SNX8: variants seen among roughly 807,000 people sequenced by gnomAD.
SNX8 encodes the protein sorting nexin-8.
Under a neutral mutation model 51.6 loss-of-function variants are expected in SNX8, and 25 were observed. That is an observed-to-expected ratio of 0.48 (90% confidence interval 0.35 to 0.68). SNX8 has a LOEUF of 0.68. SNX8 is among the 30% of genes least tolerant of loss of function. The probability of loss-of-function intolerance (pLI) is 0.00; values close to 1 mark genes in which losing one functional copy is unlikely to be tolerated. For missense variants in SNX8, 695 were observed against 624.0 expected, an observed-to-expected ratio of 1.11 and a Z score of -1.21; for synonymous variants, 324 against 277.0, an observed-to-expected ratio of 1.17 and a Z score of -1.68.
chr7:2,331,568 G>A (rs2115235881), intron 1 of SNX8, among the ~76,000 whole-genome samples: 1 of 152,112 alleles, frequency 6.6e-6, no homozygotes, highest in East Asian at 1.9e-4. Context: ...AGCCGGGCGT[G>A]GTGGCAGGCG....
In SNX8 at chr7:2,310,203, G is replaced by A. The variant is rs538828016; in HGVS notation, c.94+4125C>T. Among the ~76,000 whole-genome samples the A allele has an allele frequency of 9.2e-5, 14 of 152,100 alleles. No individual in the cohort carries two copies. The South Asian group carries it at 1.0e-3, about 11-fold the overall frequency. On this transcript the variant is annotated intron_variant, in intron 1 of 10. Coordinates refer to ENST00000222990, the MANE Select transcript of SNX8 (RefSeq NM_013321.4). ...AAGCACACTTACCACACTCACTGCCGTTCTCGCTGGATGTCACAATCATTG... is the reference window on the plus strand; with the variant it reads ...AAGCACACTTACCACACTCACTGCCATTCTCGCTGGATGTCACAATCATTG...
chr7:2,327,838 TG>T (rs1778654318), intron 1 of SNX8, among the ~76,000 whole-genome samples: 7 of 151,946 alleles, frequency 4.6e-5, no homozygotes, highest in Admixed American at 4.6e-4. Context: ...CCACCGCGCC[TG>T]GCCAGCATTT....
At chr7:2,345,549 G>T (rs1041425333) in intron 1 of SNX8, among the ~76,000 whole-genome samples, 1 of 151,654 alleles carries the variant, frequency 6.6e-6, no homozygotes, top group African/African-American at 2.4e-5. Context: ...CTGCTGGCAG[G>T]CACCTGTAAT....
rs141394416 is a variant in SNX8, at chr7:2,281,543, C to T, written c.95-3238G>A. Among the ~76,000 whole-genome samples the T allele has an allele frequency of 6.6e-5, 10 of 152,204 alleles. No individual in the cohort carries two copies. The East Asian group carries it at 1.4e-3, about 21-fold the overall frequency. On this transcript the variant is annotated intron_variant, in intron 1 of 10. Coordinates refer to ENST00000222990, the MANE Select transcript of SNX8 (RefSeq NM_013321.4). The stretch of plus-strand genomic sequence containing the variant: ...GAGCCCGGCTTTCTGCAGGAATAAA[C>T]GTTATGCTCACTAATGGAACTTCAA...
At chr7:2,344,671 C>T (rs1778989221) in intron 1 of SNX8, among the ~76,000 whole-genome samples, 1 of 151,824 alleles carries the variant, frequency 6.6e-6, no homozygotes, top group Non-Finnish European at 1.5e-5. Flanking sequence ...GTAATCCCAG[C>T]ACTTTGGGAC....
At chr7:2,341,171 A>G (rs1354244596) in intron 1 of SNX8, among the ~76,000 whole-genome samples, 2 of 151,778 alleles carry the variant, frequency 1.3e-5, no homozygotes, top group African/African-American at 4.8e-5. Flanking sequence ...TCTCTTAAAA[A>G]AAAAAAAAGA....
chr7:2,342,166 G>A (rs1778941072), intron 1 of SNX8, among the ~76,000 whole-genome samples: 1 of 150,988 alleles, frequency 6.6e-6, no homozygotes, highest in Admixed American at 6.6e-5. Flanking sequence ...GCAATAAGAG[G>A]GAAACGCTGT....
In SNX8 at chr7:2,314,374, C is replaced by G. The variant is rs962291099; in HGVS notation, c.48G>C (p.Ala16=). 2.5e-6 allele frequency: 3 copies of G among 1,223,110 alleles called. No individual in the cohort carries two copies. The highest frequency in any genetic ancestry group is 3.1e-5 in the African/African-American group (2 of 63,934). The allele number at this position is 1,223,110 out of a possible 1,614,324, so 75.8% of individuals were successfully genotyped here. Residue 16 remains alanine (A), a synonymous_variant, in exon 1 of 11, where the codon GCG becomes GCC. Coordinates refer to ENST00000222990, the MANE Select transcript of SNX8 (RefSeq NM_013321.4). ...MDPLPAAAVG[A]AAEAEADEEA... ...CCTCGTCAGCCTCCGCCTCAGCTGC[C>G]GCCCCGACTGCAGCCGCGGGCAGCG...
rs545399665 is a variant in SNX8, at chr7:2,280,304, G to GA, written c.95-2000dup. Among the ~76,000 whole-genome samples, 3 of 151,774 alleles carry GA rather than the reference G, an allele frequency of 2.0e-5. No individual in the cohort carries two copies. In the South Asian group the frequency reaches 6.2e-4, roughly 32 times the overall value. ...TTTAATACAAAGTGAGTTCTAAATA[G>GA]AAAAAAAAGTGTTTCTCATTTTTTT... On this transcript the variant is annotated intron_variant, in intron 1 of 10. Coordinates refer to ENST00000222990, the MANE Select transcript of SNX8 (RefSeq NM_013321.4).
At chr7:2,268,065 GGGGGGGTCAGCCCCACCACCTGGCCA>G (rs1795523209) in intron 5 of SNX8, among the ~76,000 whole-genome samples, 1 of 126,444 alleles carries the variant, frequency 7.9e-6, no homozygotes, top group African/African-American at 3.1e-5. Flanking sequence ...GGAGGGAGAT[GGGGGGGTCAGCCCCACCACCTGGCCA>G]GCCGCCCCGT....
At chr7:2,316,544 T>C (rs147775606), upstream of SNX8, among the ~76,000 whole-genome samples, 1,241 of 148,072 alleles carry the variant, frequency 8.4e-3, 80 homozygotes, top group East Asian at 0.14. Flanking sequence ...CCTGCATTCA[T>C]TCACACAACC....
At chr7:2,314,834 A>C (rs1170940417), upstream of SNX8, among the ~76,000 whole-genome samples, 1 of 151,700 alleles carries the variant, frequency 6.6e-6, no homozygotes, top group Non-Finnish European at 1.5e-5. Flanking sequence ...TCATTCATCC[A>C]CTCACCCACT....
chr7:2,322,810 A>G (rs1453618980), intron 1 of SNX8, among the ~76,000 whole-genome samples: 1 of 151,700 alleles, frequency 6.6e-6, no homozygotes, highest in East Asian at 1.9e-4. Flanking sequence ...TGTGGCCAGG[A>G]GTTCAAGACC....
At chr7:2,270,314 CAAAA>C (rs57983721) in intron 4 of SNX8, among the ~76,000 whole-genome samples, 41 of 57,088 alleles carry the variant, frequency 7.2e-4, no homozygotes, top group African/African-American at 2.6e-3. Flanking sequence ...TCTCATTTTA[CAAAA>C]AAAAAAAAAA....
chr7:2,296,846 C>A (rs926951756), intron 1 of SNX8, among the ~76,000 whole-genome samples: 4 of 151,874 alleles, frequency 2.6e-5, no homozygotes, highest in Non-Finnish European at 5.9e-5. Flanking sequence ...ATGAGAATCG[C>A]TTGAACCTGG....
At chr7:2,262,427 A>G (rs981142506) in intron 7 of SNX8, among the ~76,000 whole-genome samples, 1 of 151,934 alleles carries the variant, frequency 6.6e-6, no homozygotes, top group African/African-American at 2.4e-5. Context: ...ATCCCAAATG[A>G]CTCCAAGATC....
At position 2,269,594 on chromosome 7, in the gene SNX8, C is replaced by T. The variant is rs1337142468; in HGVS notation, c.586G>A (p.Glu196Lys). The T allele has an allele frequency of 1.9e-6, 3 of 1,593,698 alleles. No homozygotes were observed. The highest frequency in any genetic ancestry group is 1.7e-6 in the Non-Finnish European group (2 of 1,170,666). Residue 196 changes from glutamate to lysine, a missense_variant, in exon 5 of 11, where the codon GAA becomes AAA. Glu to Lys is a moderately conservative substitution (Grantham distance 56, BLOSUM62 1). Transcript: ENST00000222990. ...LKESAQCVGD[E>K]FLNCKLATRA... ...GTAGCCAGCTTACAGTTCAGGAATT[C>T]GTCCCCGACGCACTGTGCTGACTCC...
At chr7:2,272,728 T>A (rs1001869783) in intron 3 of SNX8, among the ~76,000 whole-genome samples, 1 of 152,158 alleles carries the variant, frequency 6.6e-6, no homozygotes, top group East Asian at 1.9e-4. Context: ...ATGCAATTAC[T>A]CATTGCTTTC....
rs1796268438 is a variant in SNX8 at position 2,296,122 on chromosome 7, G to GT, written c.95-17818dup. Among the ~76,000 whole-genome samples the GT allele has an allele frequency of 2.0e-5, 3 of 152,250 alleles. No homozygotes were observed. The South Asian group carries it at 6.2e-4, about 32-fold the overall frequency. On this transcript the variant is annotated intron_variant, in intron 1 of 10. Transcript: ENST00000222990. ...TCTAATTCTGTGAAAAATGACGTTG[G>GT]TATCTTGGTAGGAATCACACTGACT...
Sources: gnomAD v4.1 joint callset for allele counts (sites outside exome capture counted in the v4.1 genomes callset) on GRCh38, gnomAD v4.1.1 for gene constraint, MANE v1.5 for transcripts, NCBI Gene and HGNC (gene_info 2026-07-23, HGNC 2026-07-21) for gene names.